The following CCDC149 variants were observed in gnomAD, a reference collection of about 807,000 sequenced individuals.
CCDC149 encodes the protein coiled-coil domain-containing protein 149.
In CCDC149, 45 loss-of-function variants were observed where a neutral mutation model predicts 59.9. The observed-to-expected ratio is 0.75, with a 90% CI of 0.59 to 0.96. CCDC149 has a LOEUF of 0.96. Ranked by LOEUF, CCDC149 falls within the 40% of genes least tolerant of loss-of-function variation. The pLI is 0.00. For synonymous variants in CCDC149, 245 were observed against 260.6 expected, an observed-to-expected ratio of 0.94 and a Z score of 0.58; for missense variants, 584 against 664.7, an observed-to-expected ratio of 0.88 and a Z score of 1.33.
chr4:24,891,012 C>T (rs1018762496), intron 1 of CCDC149, among the ~76,000 whole-genome samples: 1 of 152,266 alleles, frequency 6.6e-6, no homozygotes, highest in African/African-American at 2.4e-5. Context: ...CAGGCCTCCC[C>T]AGCCGAGCCC....
intron 1 of CCDC149, among the ~76,000 whole-genome samples, chr4:24,903,076 T>C (rs567257082): frequency 2.6e-4 from 36 of 141,160 alleles, no homozygotes; most frequent in Admixed American, 5.8e-4. Flanking sequence ...ACTGACAGCC[T>C]ATCTTCCCAC....
intron 9 of CCDC149, among the ~76,000 whole-genome samples, chr4:24,823,491 T>G (rs1031169392): frequency 6.6e-6 from 1 of 152,226 alleles, no homozygotes; most frequent in African/African-American, 2.4e-5. Context: ...AGTCTTTATT[T>G]TATTTGGGGG....
intron 1 of CCDC149, among the ~76,000 whole-genome samples, chr4:24,933,767 G>A (rs1215388314): frequency 6.6e-6 from 1 of 152,150 alleles, no homozygotes; most frequent in African/African-American, 2.4e-5. Flanking sequence ...GAATATTTCA[G>A]TTATCAATTG....
intron 1 of CCDC149, among the ~76,000 whole-genome samples, chr4:24,901,720 T>C (rs976101136): frequency 6.6e-6 from 1 of 152,184 alleles, no homozygotes; most frequent in Admixed American, 6.5e-5. Flanking sequence ...TGATGCACAG[T>C]TCTGAACAGA....
chr4:24,856,988 C>T (rs1435250334), intron 3 of CCDC149, among the ~76,000 whole-genome samples: 1 of 152,218 alleles, frequency 6.6e-6, no homozygotes, highest in African/African-American at 2.4e-5. Flanking sequence ...TCTCAGCATC[C>T]CCATCTGGAG....
chr4:24,852,810 T>C (rs989953803), intron 4 of CCDC149, among the ~76,000 whole-genome samples: 19 of 152,126 alleles, frequency 1.2e-4, no homozygotes, highest in African/African-American at 4.3e-4. Context: ...TATTCACCAC[T>C]AAGTTGAACA....
At chr4:24,871,981 C>T (rs1308106374) in intron 3 of CCDC149, among the ~76,000 whole-genome samples, 3 of 151,962 alleles carry the variant, frequency 2.0e-5, no homozygotes, top group Non-Finnish European at 4.4e-5. Flanking sequence ...TGAGAAGGAT[C>T]GGAGAAGAAC....
intron 1 of CCDC149, among the ~76,000 whole-genome samples, chr4:24,878,415 G>C (rs889606481): frequency 6.6e-6 from 1 of 152,122 alleles, no homozygotes; most frequent in Non-Finnish European, 1.5e-5. Context: ...CTTCATGGAG[G>C]CAAAATGGTT....
downstream of CCDC149, among the ~76,000 whole-genome samples, chr4:24,804,694 T>C (rs1283989913): frequency 6.6e-6 from 1 of 152,128 alleles, no homozygotes; most frequent in Non-Finnish European, 1.5e-5. Flanking sequence ...ACAGAACTTT[T>C]CATGCCATAT....
rs1337286933 is a variant in CCDC149, at chr4:24,821,060, A to C, written c.1070T>G (p.Phe357Cys). Residue 357 changes from phenylalanine to cysteine, a missense_variant, in exon 11 of 13, where the codon TTT becomes TGT. Phe to Cys is a radical substitution (Grantham distance 205). Transcript: ENST00000635206. ...ATATTTTAAACAGAACATACTCCCA[A>C]ATCCTACTGAAACATTGTAGCTCAG... The C allele has an allele frequency of 1.6e-6, 2 of 1,231,094 alleles. No individual in the cohort carries two copies. The highest frequency in any genetic ancestry group is 3.1e-5 in the African/African-American group (2 of 64,392). The allele number at this position is 1,231,094 out of a possible 1,614,324, so 76.3% of individuals were successfully genotyped here.
At chr4:24,943,576 G>T (rs1377248791) in intron 1 of CCDC149, among the ~76,000 whole-genome samples, 16 of 151,872 alleles carry the variant, frequency 1.1e-4, no homozygotes, top group South Asian at 4.2e-4. Context: ...GGGATCTAAT[G>T]CAACTAAAGA....
intron 1 of CCDC149, among the ~76,000 whole-genome samples, chr4:24,939,980 T>C (rs1436683891): frequency 6.6e-6 from 1 of 152,202 alleles, no homozygotes; most frequent in South Asian, 2.1e-4. Flanking sequence ...TGCAGGATAT[T>C]ATCCAGGAGA....
chr4:24,819,864 T>C lies in CCDC149; in HGVS notation c.1187A>G (p.Lys396Arg). Residue 396 changes from lysine (K) to arginine (R), a missense_variant, in exon 12 of 13, where the codon AAG (lysine) becomes AGG (arginine). Lys to Arg is a conservative substitution (Grantham distance 26). Transcript: ENST00000635206. ...AGAAATCGAGGCGTGCTTACCATCC[T>C]TGGGATCTGCTTTGTTCTCAGTGGG... is the stretch of plus-strand genomic sequence containing the variant. 9 of 1,550,840 alleles carry C rather than the reference T, an allele frequency of 5.8e-6. No individual in the cohort carries two copies. The highest frequency in any genetic ancestry group is 7.9e-6 in the Non-Finnish European group (9 of 1,146,286).
chr4:24,860,656 C>A (rs889370463), intron 3 of CCDC149, among the ~76,000 whole-genome samples: 14 of 152,158 alleles, frequency 9.2e-5, no homozygotes, highest in Non-Finnish European at 1.8e-4. Context: ...AGTAAACAGA[C>A]AACCCACAGA....
At chr4:24,893,612 A>ATT (rs1560241640) in intron 1 of CCDC149, among the ~76,000 whole-genome samples, 1 of 9,386 alleles carries the variant, frequency 1.1e-4, no homozygotes, top group African/African-American at 3.0e-4. Context: ...TAAAATACAG[A>ATT]CTTTTTTTTT....
chr4:24,810,905 A>G (rs1392823633), intron 12 of CCDC149, among the ~76,000 whole-genome samples: 1 of 152,234 alleles, frequency 6.6e-6, no homozygotes, highest in African/African-American at 2.4e-5. Context: ...AAAAATTAGT[A>G]AGACTCTTTT....
intron 1 of CCDC149, among the ~76,000 whole-genome samples, chr4:24,884,360 C>T (rs940817402): frequency 6.6e-6 from 1 of 152,144 alleles, no homozygotes; most frequent in African/African-American, 2.4e-5. Context: ...CATGTAGCCT[C>T]GGGATGCAGC....
intron 3 of CCDC149, among the ~76,000 whole-genome samples, chr4:24,858,686 C>T (rs541906369): frequency 1.3e-5 from 2 of 152,322 alleles, no homozygotes; most frequent in African/African-American, 4.8e-5. Context: ...ATGATGCCTG[C>T]AGAAGCAATT....
chr4:24,822,830 G>T, intron 9 of CCDC149: 1 of 301,082 alleles, frequency 3.3e-6, no homozygotes. Flanking sequence ...TAGTTTTCCT[G>T]GGAAGCTAAA....
Sources: gnomAD v4.1 joint callset for allele counts (sites outside exome capture counted in the v4.1 genomes callset) on GRCh38, gnomAD v4.1.1 for gene constraint, MANE v1.5 for transcripts, NCBI Gene and HGNC (gene_info 2026-07-23, HGNC 2026-07-21) for gene names.